Variants in THRB observed in about 807,000 individuals in gnomAD.
THRB encodes the protein thyroid hormone receptor beta, also known as nuclear receptor subfamily 1 group A member 2.
THRB carries 12 observed loss-of-function variants against 47.8 expected under a neutral mutation model. That is an observed-to-expected ratio of 0.25 (90% confidence interval 0.16 to 0.41). THRB has a LOEUF of 0.41. Among genes scored for constraint, THRB ranks in the 10% least tolerant of loss-of-function variants. The probability of loss-of-function intolerance (pLI) is 1.00; values close to 1 mark genes in which losing one functional copy is unlikely to be tolerated. For synonymous variants in THRB, 218 were observed against 212.2 expected (o/e 1.03, Z -0.24); for missense variants, 348 against 589.2 (o/e 0.59, Z 4.24).
chr3:24,259,461 G>A (rs1308941315), intron 3 of THRB, among the ~76,000 whole-genome samples: 2 of 152,172 alleles, frequency 1.3e-5, no homozygotes, highest in African/African-American at 2.4e-5. Flanking sequence ...GTATGTGTAT[G>A]CTGCTTTGAC....
intron 3 of THRB, among the ~76,000 whole-genome samples, chr3:24,284,423 A>T (rs1484987263): frequency 6.6e-6 from 1 of 151,108 alleles, no homozygotes; most frequent in Non-Finnish European, 1.5e-5. Context: ...CTTATACAAA[A>T]ATCAATTCAA....
At chr3:24,257,319 A>T (rs995140930) in intron 3 of THRB, among the ~76,000 whole-genome samples, 2 of 152,144 alleles carry the variant, frequency 1.3e-5, no homozygotes, top group African/African-American at 4.8e-5. Context: ...CTACTCTGGG[A>T]ACCAACAAGT....
chr3:24,337,685 G>T (rs1268710724), intron 1 of THRB, among the ~76,000 whole-genome samples: 1 of 152,188 alleles, frequency 6.6e-6, no homozygotes, highest in African/African-American at 2.4e-5. Flanking sequence ...TTGGCAGTCT[G>T]GGAAGATGAA....
intron 5 of THRB, among the ~76,000 whole-genome samples, chr3:24,167,684 ATTCGATTTTGCAG>A (rs1286035244): frequency 6.6e-6 from 1 of 152,094 alleles, no homozygotes; most frequent in Non-Finnish European, 1.5e-5. Flanking sequence ...TGTTGAATCC[ATTCGATTTTGCAG>A]TTTTGCCCAG....
chr3:24,473,239 T>A (rs879764934), intron 1 of THRB, among the ~76,000 whole-genome samples: 2 of 152,246 alleles, frequency 1.3e-5, no homozygotes, highest in African/African-American at 2.4e-5. Context: ...CATTTTGGCA[T>A]ATCAATTTTT....
intron 4 of THRB, among the ~76,000 whole-genome samples, chr3:24,197,001 T>G (rs866486594): frequency 1.3e-5 from 2 of 152,224 alleles, no homozygotes; most frequent in South Asian, 4.1e-4. Context: ...TGTGCTACCT[T>G]CTACCTTGTG....
intron 1 of THRB, among the ~76,000 whole-genome samples, chr3:24,366,621 CTTT>C (rs11389687): frequency 4.0e-5 from 5 of 125,804 alleles, no homozygotes; most frequent in African/African-American, 3.1e-5. Flanking sequence ...CAGCCTCTCA[CTTT>C]TTTTTTTTTT....
chr3:24,275,903 G>A (rs1005151795), intron 3 of THRB, among the ~76,000 whole-genome samples: 1 of 152,078 alleles, frequency 6.6e-6, no homozygotes. Flanking sequence ...CCCCCTCCAG[G>A]TAATTCTGAT....
At chr3:24,298,468 G>A (rs2056632053) in intron 2 of THRB, among the ~76,000 whole-genome samples, 1 of 152,176 alleles carries the variant, frequency 6.6e-6, no homozygotes, top group South Asian at 2.1e-4. Context: ...GAGGCCAATA[G>A]TATTTTGAGG....
intron 3 of THRB, among the ~76,000 whole-genome samples, chr3:24,282,762 G>A (rs1404776038): frequency 1.4e-4 from 21 of 149,644 alleles, no homozygotes; most frequent in South Asian, 2.1e-4. Context: ...TATCACCACC[G>A]ATCCCACAGA....
intron 1 of THRB, among the ~76,000 whole-genome samples, chr3:24,481,507 C>T (rs1016884028): frequency 1.3e-5 from 2 of 152,136 alleles, no homozygotes; most frequent in African/African-American, 4.8e-5. Flanking sequence ...GTTTAACACA[C>T]AGTCCTTGCC....
At chr3:24,300,975 T>A (rs1032624262) in intron 2 of THRB, among the ~76,000 whole-genome samples, 3 of 152,186 alleles carry the variant, frequency 2.0e-5, no homozygotes, top group Non-Finnish European at 2.9e-5. Flanking sequence ...TATCCTGGCT[T>A]ATCTGGCTGG....
intron 5 of THRB, among the ~76,000 whole-genome samples, chr3:24,161,074 G>T (rs2038738150): frequency 6.6e-6 from 1 of 152,182 alleles, no homozygotes; most frequent in Admixed American, 6.5e-5. Context: ...ACTTGGACTT[G>T]GTTTGGAAAC....
At chr3:24,152,701 C>T (rs2037163493) in intron 5 of THRB, among the ~76,000 whole-genome samples, 1 of 151,974 alleles carries the variant, frequency 6.6e-6, no homozygotes, top group Non-Finnish European at 1.5e-5. Flanking sequence ...TAGCTCACAC[C>T]TATAATCCCA....
Position 24,241,339 on chromosome 3 carries a change from G to T in THRB, c.-42-12338C>A, listed in dbSNP as rs548030944. Among the ~76,000 whole-genome samples, 3 of 152,298 alleles carry T rather than the reference G, an allele frequency of 2.0e-5. No individual in the cohort carries two copies. In the East Asian group the frequency reaches 5.8e-4, roughly 29 times the overall value. ...ATGCGTACTTAGAAAAGCCACTCAG[G>T]TGATTCCACTGAGACCTTCTGCTCA... On this transcript the variant is annotated intron_variant, in intron 3 of 10. Transcript: ENST00000646209.
At chr3:24,126,436 A>T (rs2032824303) in intron 10 of THRB, among the ~76,000 whole-genome samples, 1 of 152,200 alleles carries the variant, frequency 6.6e-6, no homozygotes, top group South Asian at 2.1e-4. Flanking sequence ...AACTCTACAA[A>T]GAATTCTCGA....
At chr3:24,439,959 A>T (rs969616799) in intron 1 of THRB, among the ~76,000 whole-genome samples, 1 of 152,186 alleles carries the variant, frequency 6.6e-6, no homozygotes, top group Non-Finnish European at 1.5e-5. Context: ...CATAGATCAA[A>T]GGAGGATTAT....
chr3:24,399,587 A>G (rs1473868703), intron 1 of THRB, among the ~76,000 whole-genome samples: 1 of 152,112 alleles, frequency 6.6e-6, no homozygotes. Flanking sequence ...GTCAAAAGGT[A>G]ACAAATAAGG....
chr3:24,153,986 T>C (rs1253257519), intron 5 of THRB, among the ~76,000 whole-genome samples: 1 of 152,160 alleles, frequency 6.6e-6, no homozygotes, highest in African/African-American at 2.4e-5. Context: ...AAGTCTTGCT[T>C]TTCAGAAAAA....
Sources: gnomAD v4.1 joint callset for allele counts (sites outside exome capture counted in the v4.1 genomes callset) on GRCh38, gnomAD v4.1.1 for gene constraint, MANE v1.5 for transcripts, NCBI Gene and HGNC (gene_info 2026-07-23, HGNC 2026-07-21) for gene names.